The following RYR3 variants were observed in gnomAD, a reference collection of about 807,000 sequenced individuals.
RYR3 encodes the protein ryanodine receptor 3.
In RYR3, 207 loss-of-function variants were observed where a neutral mutation model predicts 584.3. The observed-to-expected ratio is 0.35, with a 90% CI of 0.32 to 0.40. The LOEUF is 0.40. Ranked by LOEUF, RYR3 falls within the 10% of genes least tolerant of loss-of-function variation. The pLI, the probability that RYR3 is intolerant of heterozygous loss-of-function variation, is 1.00. For missense variants in RYR3, 5,616 were observed against 6,089.2 expected (o/e 0.92, Z 2.59); for synonymous variants, 2,416 against 2,248.5 (o/e 1.07, Z -2.11).
intron 5 of RYR3, among the ~76,000 whole-genome samples, chr15:33,534,001 A>G (rs2141082582): frequency 6.6e-6 from 1 of 152,384 alleles, no homozygotes; most frequent in East Asian, 1.9e-4. Context: ...AATGAAAACC[A>G]TGTCATTAAG....
At chr15:33,692,520 C>T (rs1357212994) in intron 38 of RYR3, among the ~76,000 whole-genome samples, 1 of 152,100 alleles carries the variant, frequency 6.6e-6, no homozygotes, top group East Asian at 1.9e-4. Flanking sequence ...TTTTCCAGTA[C>T]ATATGGCTTT....
chr15:33,858,093 A>AAGACAGAAGTGATGGAGGTAGTTTTC, intron 99 of RYR3, 179 bp downstream of exon 99: 1 of 820,690 alleles, frequency 1.2e-6, no homozygotes, highest in Non-Finnish European at 1.8e-6. Context: ...GTGTCCTGGG[A>AAGACAGAAGTGATGGAGGTAGTTTTC]AGACAGAAGT....
chr15:33,802,572 C>T (rs553830592), intron 69 of RYR3, among the ~76,000 whole-genome samples: 7 of 152,258 alleles, frequency 4.6e-5, no homozygotes, highest in African/African-American at 1.4e-4. Flanking sequence ...AGGAGCATAG[C>T]AGGAATACAA....
intron 2 of RYR3, among the ~76,000 whole-genome samples, chr15:33,479,109 T>C (rs57508370): frequency 0.16 from 22,996 of 144,304 alleles, 4,581 homozygotes; most frequent in African/African-American, 0.47. Context: ...AATGATGGAA[T>C]AGTGTGCTAT....
At chr15:33,752,823 A>G (rs1204403266) in intron 57 of RYR3, among the ~76,000 whole-genome samples, 1 of 151,432 alleles carries the variant, frequency 6.6e-6, no homozygotes, top group Admixed American at 6.5e-5. Flanking sequence ...TTCAAAGGGA[A>G]TGCTTCCCGT....
Position 33,821,677 on chromosome 15 carries a change from G to A in RYR3, c.10995+75G>A, listed in dbSNP as rs561059880. ...GACACCTGTCATGCTTCAGGGAAGA[G>A]GAGTTGACTGCTACAGAGGGGAGCC... On this transcript the variant is annotated intron_variant, in intron 80 of 103. Coordinates refer to ENST00000634891, the MANE Select transcript of RYR3 (RefSeq NM_001036.6). The A allele has an allele frequency of 6.7e-5, 95 of 1,425,256 alleles. No homozygotes were observed. The South Asian group carries it at 1.0e-3, about 16-fold the overall frequency. The allele number at this position is 1,425,256 out of a possible 1,614,324, so 88.3% of individuals were successfully genotyped here.
intron 3 of RYR3, among the ~76,000 whole-genome samples, chr15:33,524,026 C>T (rs975115069): frequency 6.6e-6 from 1 of 152,094 alleles, no homozygotes; most frequent in Admixed American, 6.5e-5. Context: ...GTAATCGTAC[C>T]CACAAGCAAC....
intron 3 of RYR3, among the ~76,000 whole-genome samples, chr15:33,508,523 G>A (rs1454435970): frequency 2.6e-5 from 4 of 152,064 alleles, no homozygotes; most frequent in East Asian, 1.9e-4. Flanking sequence ...GGTGGCGGGC[G>A]CCTGTAGTCC....
rs1375288938 is a variant in RYR3 at position 33,550,299 on chromosome 15, T to G, written c.955T>G (p.Ser319Ala). ...AKSDTKSTAF[S>A]FRASKELKEK... is the part of the protein sequence containing the mutation. ...GTCAGACACCAAGTCCACAGCTTTC[T>G]CTTTCCGGGCATCAAAGGTAAGGTG... The change falls in exon 10 of 104, where the codon TCT becomes GCT. Residue 319 changes from serine to alanine, a missense_variant. This residue lies in a region of RYR3 where 1,284 missense variants were observed against 1,344.6 expected (regional missense o/e 0.95). Transcript: ENST00000634891. The G allele has an allele frequency of 6.2e-7, 1 of 1,613,262 alleles. No individual in the cohort carries two copies. The highest frequency in any genetic ancestry group is 1.1e-5 in the South Asian group (1 of 90,846).
intron 39 of RYR3, among the ~76,000 whole-genome samples, chr15:33,696,745 C>T (rs978735892): frequency 6.6e-6 from 1 of 152,060 alleles, no homozygotes; most frequent in African/African-American, 2.4e-5. Context: ...GAAAATAGCC[C>T]CAGGGAGCCC....
intron 3 of RYR3, among the ~76,000 whole-genome samples, chr15:33,514,433 G>T (rs146847931): frequency 7.2e-4 from 109 of 152,206 alleles, no homozygotes; most frequent in Admixed American, 1.4e-3. Flanking sequence ...CACCACGGAG[G>T]TTTCTTCTAA....
intron 1 of RYR3, among the ~76,000 whole-genome samples, chr15:33,432,265 C>A (rs1422484969): frequency 6.6e-6 from 1 of 152,070 alleles, no homozygotes; most frequent in Non-Finnish European, 1.5e-5. Flanking sequence ...AGGGAAAAAA[C>A]CAAGTGTCTG....
intron 57 of RYR3, among the ~76,000 whole-genome samples, chr15:33,750,617 A>C (rs2071188613): frequency 2.0e-5 from 3 of 152,166 alleles, no homozygotes; most frequent in Admixed American, 2.0e-4. Flanking sequence ...TCTTTATTGG[A>C]GTTATAAATG....
At chr15:33,539,576 A>C in intron 6 of RYR3, 114 bp downstream of exon 6, 1 of 639,744 alleles carries the variant, frequency 1.6e-6, no homozygotes, top group Non-Finnish European at 2.8e-6. Context: ...GCTTTTACAT[A>C]TATAGAGTTG....
chr15:33,442,566 A>C (rs2046317310), intron 1 of RYR3, among the ~76,000 whole-genome samples: 1 of 152,216 alleles, frequency 6.6e-6, no homozygotes, highest in Non-Finnish European at 1.5e-5. Context: ...TCATGTAATA[A>C]TGGTGATGCT....
chr15:33,507,756 C>G (rs968371202), intron 3 of RYR3, among the ~76,000 whole-genome samples: 1 of 152,012 alleles, frequency 6.6e-6, no homozygotes, highest in Non-Finnish European at 1.5e-5. Context: ...TGTTTTCAGT[C>G]CAGCCTATAT....
At chr15:33,754,658 T>C (rs2071641741) in intron 57 of RYR3, among the ~76,000 whole-genome samples, 2 of 152,232 alleles carry the variant, frequency 1.3e-5, no homozygotes, top group Admixed American at 1.3e-4. Flanking sequence ...GTGGCCGGCC[T>C]TTCTGGACCA....
chr15:33,534,471 C>T (rs987770722), intron 5 of RYR3, among the ~76,000 whole-genome samples: 3 of 152,134 alleles, frequency 2.0e-5, no homozygotes, highest in African/African-American at 7.2e-5. Context: ...AATTGCCTCC[C>T]ACCAATGATA....
chr15:33,864,908 G>GAGGGGGATTTTTCT, intron 103 of RYR3: 2 of 502,882 alleles, frequency 4.0e-6, no homozygotes, highest in South Asian at 6.7e-5. Context: ...GTTTGGGGCA[G>GAGGGGGATTTTTCT]AGGGGGATTT....
Sources: allele counts gnomAD v4.1 joint callset (sites outside exome capture counted in the v4.1 genomes callset), GRCh38; gene constraint gnomAD v4.1.1; regional missense constraint gnomAD v4.1.1; transcripts MANE v1.5; gene names NCBI Gene and HGNC (gene_info 2026-07-23, HGNC 2026-07-21).